Variants in ASL observed in about 807,000 individuals in gnomAD.
ASL encodes the protein argininosuccinate lyase.
A neutral mutation model predicts 69.1 loss-of-function variants in ASL; 51 were observed. The ratio of observed to expected loss-of-function variants is 0.74; its 90% CI spans 0.59 to 0.93. ASL has a LOEUF of 0.93. ASL is among the 40% of genes least tolerant of loss of function. The pLI is 0.00. For synonymous variants in ASL, 241 were observed against 247.6 expected, an observed-to-expected ratio of 0.97 and a Z score of 0.25; for missense variants, 540 against 623.9, an observed-to-expected ratio of 0.87 and a Z score of 1.43.
chr7:66,092,281 G>A (rs540373693), intron 15 of ASL, among the ~76,000 whole-genome samples, 195 bp downstream of exon 15: 20 of 151,998 alleles, frequency 1.3e-4, no homozygotes, highest in Non-Finnish European at 2.4e-4. Context: ...GTGAAACCCC[G>A]TCTCTTTTGA....
At chr7:66,090,108 C>T (rs1216781351) in intron 14 of ASL, among the ~76,000 whole-genome samples, 1 of 152,022 alleles carries the variant, frequency 6.6e-6, no homozygotes, top group African/African-American at 2.4e-5. Context: ...CGTGATGGCC[C>T]ACACCTGTAA....
Position 66,087,721 on chromosome 7 carries a change from C to T in ASL, c.656-8C>T. The T allele has an allele frequency of 2.5e-6, 4 of 1,614,006 alleles. No individual in the cohort carries two copies. Among genetic ancestry groups the T allele is most frequent in the South Asian group, 2.2e-5 (2 of 91,084 alleles). ...CCAGCTTAGCCCTGCTTCCTCCCAC[C>T]CCCCCAGAACTCAACTTTGGGGCCA... On this transcript the variant is annotated splice_region_variant and splice_polypyrimidine_tract_variant and intron_variant, in intron 9 of 16. Transcript: ENST00000304874.
At chr7:66,085,610 C>CTT (rs76552002) in intron 6 of ASL, among the ~76,000 whole-genome samples, 6 of 144,124 alleles carry the variant, frequency 4.2e-5, no homozygotes, top group Non-Finnish European at 4.6e-5. Flanking sequence ...AAGACCCCAT[C>CTT]TTTTTTTTTT....
chr7:66,082,895 A>G lies in ASL; in HGVS notation c.307A>G (p.Thr103Ala). ...TCACCTCCAGGAGCTCATTGGTGCA[A>G]CGGCAGGGAAGCTGCACACGGGACG... ...ERRLKELIGA[T>A]AGKLHTGRSR... is the part of the protein sequence containing the mutation. The change falls in exon 5 of 17, where the codon ACG (threonine) becomes GCG (alanine). Residue 103 changes from threonine (T) to alanine (A), a missense_variant. By Grantham distance (58) the Thr-to-Ala change is moderately conservative. Transcript: ENST00000304874. 6.2e-7 allele frequency: 1 copy of G among 1,613,696 alleles called. No homozygotes were observed. The highest frequency in any genetic ancestry group is 1.3e-5 in the African/African-American group (1 of 74,992).
chr7:66,090,014 G>A (rs936988140), intron 14 of ASL, among the ~76,000 whole-genome samples: 1 of 152,206 alleles, frequency 6.6e-6, no homozygotes, highest in African/African-American at 2.4e-5. Flanking sequence ...GAGGCAGATG[G>A]AGCACTTGAG....
chr7:66,078,883 C>CAG (rs2115672566), intron 2 of ASL, among the ~76,000 whole-genome samples: 1 of 151,392 alleles, frequency 6.6e-6, no homozygotes, highest in South Asian at 2.1e-4. Context: ...GATCCACCTG[C>CAG]CTGGGCCTCC....
At chr7:66,089,196 G>A in intron 12 of ASL, 21 bp downstream of exon 12, 1 of 1,613,486 alleles carries the variant, frequency 6.2e-7, no homozygotes, top group East Asian at 2.2e-5. Context: ...CAGGGGGAGG[G>A]GCGGGGCCTC....
chr7:66,078,465 T>C (rs1786411045), intron 2 of ASL, among the ~76,000 whole-genome samples: 1 of 152,036 alleles, frequency 6.6e-6, no homozygotes, highest in Non-Finnish European at 1.5e-5. Context: ...GGAGTGGAGC[T>C]GAAGCATGTC....
chr7:66,082,748 G>T, intron 4 of ASL, 132 bp from the exon 5 acceptor site: 1 of 1,128,550 alleles, frequency 8.9e-7, no homozygotes, highest in Non-Finnish European at 1.3e-6. Flanking sequence ...CAGAAATGGC[G>T]AGAGATTTGG....
chr7:66,084,871 G>A (rs1267158842), intron 6 of ASL, among the ~76,000 whole-genome samples: 6 of 151,944 alleles, frequency 3.9e-5, no homozygotes, highest in East Asian at 1.9e-4. Flanking sequence ...CACCCACCTC[G>A]GACTCTCAAA....
At chr7:66,077,195 G>A (rs191904754) in intron 2 of ASL, among the ~76,000 whole-genome samples, 157 of 152,284 alleles carry the variant, frequency 1.0e-3, no homozygotes, top group African/African-American at 1.9e-3. Flanking sequence ...TTGGGAGGCC[G>A]AGGCGGGAGG....
Position 66,087,364 on chromosome 7 carries a change from G to A in ASL, c.633G>A (p.Val211=). Residue 211 remains valine (V), a synonymous_variant, in exon 9 of 17, where the codon GTG becomes GTA. Transcript: ENST00000304874. ...CCATTGCAGGCAATCCCCTGGGTGT[G>A]GACCGAGAGCTGCTCCGAGCAGGTG... ...SGAIAGNPLG[V]DRELLRAELN... is the part of the protein sequence containing the mutation. The A allele has an allele frequency of 6.2e-7, 1 of 1,606,540 alleles. No homozygotes were observed. The highest frequency in any genetic ancestry group is 8.5e-7 in the Non-Finnish European group (1 of 1,179,892).
chr7:66,083,263 G>A, intron 6 of ASL, 89 bp downstream of exon 6: 1 of 1,426,402 alleles, frequency 7.0e-7, no homozygotes, highest in Non-Finnish European at 9.6e-7. Flanking sequence ...AACAGCGTGG[G>A]GGTGCCAGGC....
chr7:66,088,831 T>G lies in ASL; in HGVS notation c.743T>G (p.Leu248Arg). 1 of 1,613,966 alleles carries G rather than the reference T, an allele frequency of 6.2e-7. No individual in the cohort carries two copies. The highest frequency in any genetic ancestry group is 1.1e-5 in the South Asian group (1 of 90,982). The change falls in exon 11 of 17, where the codon CTG becomes CGG. Residue 248 changes from leucine to arginine, a missense_variant. Transcript: ENST00000304874. ...GCCGAGTTCCTGTTCTGGGCTTCGC[T>G]GTGCATGACCCATCTCAGCAGGATG... Reference protein sequence around the residue: ...FVAEFLFWASLCMTHLSRMAE... With the variant: ...FVAEFLFWASRCMTHLSRMAE...
intron 6 of ASL, among the ~76,000 whole-genome samples, chr7:66,085,888 G>A (rs313833): frequency 0.12 from 18,141 of 151,882 alleles, 1,238 homozygotes; most frequent in South Asian, 0.21. Flanking sequence ...GATTACAGGC[G>A]TGAGTTACCG....
intron 4 of ASL, 71 bp from the exon 5 acceptor site, chr7:66,082,809 G>A: frequency 6.3e-7 from 1 of 1,595,958 alleles, no homozygotes; most frequent in Non-Finnish European, 8.6e-7. Context: ...GGCTGATGAG[G>A]AAAACTGCCC....
chr7:66,079,962 G>A (rs1021654465), intron 2 of ASL, among the ~76,000 whole-genome samples: 5 of 152,088 alleles, frequency 3.3e-5, no homozygotes, highest in Non-Finnish European at 5.9e-5. Flanking sequence ...GCGCATGCTT[G>A]TAGTCCCAAC....
chr7:66,091,857 T>C (rs763279773), intron 14 of ASL, 149 bp from the exon 15 acceptor site: 4 of 763,412 alleles, frequency 5.2e-6, no homozygotes, highest in African/African-American at 1.7e-5. Context: ...TATGAGAAGA[T>C]GGTTCAAGTT....
In ASL at chr7:66,079,208, C is replaced by T. The variant is rs185643381; in HGVS notation, c.13-2595C>T. On this transcript the variant is annotated intron_variant, in intron 2 of 16. Coordinates refer to ENST00000304874, the MANE Select transcript of ASL (RefSeq NM_000048.4). ...CTAGGATTATAGGTGTGAGCCACCA[C>T]GCCCAGCCCCTGAGGTTTAATAATA... Among the ~76,000 whole-genome samples, 116 of 152,238 alleles carry T rather than the reference C, an allele frequency of 7.6e-4. 1 individual carries two copies. The highest frequency in any genetic ancestry group is 5.0e-3 in the Admixed American group (76 of 15,284).
Sources: allele counts gnomAD v4.1 joint callset (sites outside exome capture counted in the v4.1 genomes callset), GRCh38; gene constraint gnomAD v4.1.1; transcripts MANE v1.5; gene names NCBI Gene and HGNC (gene_info 2026-07-23, HGNC 2026-07-21).